The following CALHM4 variants were observed in gnomAD, a reference collection of about 807,000 sequenced individuals.
CALHM4 encodes the protein calcium homeostasis modulator protein 4.
Under a neutral mutation model 13.3 loss-of-function variants are expected in CALHM4, and 16 were observed. That is an observed-to-expected ratio of 1.20 (90% confidence interval 0.81 to 1.82). CALHM4 has a LOEUF of 1.82. Among genes scored for constraint, CALHM4 ranks in the 40% most tolerant of loss-of-function variants. The pLI is 0.00. For missense variants in CALHM4, 344 were observed against 374.9 expected (o/e 0.92, Z 0.68); for synonymous variants, 127 against 137.1 (o/e 0.93, Z 0.52).
At chr6:116,540,355 A>G in intron 1 of CALHM4, 1 of 1,550,154 alleles carries the variant, frequency 6.5e-7, no homozygotes, top group Non-Finnish European at 8.7e-7. Flanking sequence ...AGATAAAAAC[A>G]TAGTTACCTG....
At chr6:116,540,991 A>T (rs1375699507) in intron 1 of CALHM4, among the ~76,000 whole-genome samples, 1 of 152,072 alleles carries the variant, frequency 6.6e-6, no homozygotes, top group Non-Finnish European at 1.5e-5. Flanking sequence ...GCATCTTCAG[A>T]CTCTGAAGTT....
In CALHM4 at chr6:116,557,976, AG is replaced by A; in HGVS notation, c.711del (p.Glu237AspfsTer8). 1 of 1,614,180 alleles carries A rather than the reference AG, an allele frequency of 6.2e-7. No individual in the cohort carries two copies. The highest frequency in any genetic ancestry group is 8.5e-7 in the Non-Finnish European group (1 of 1,180,036). The part of the protein sequence containing the change: ...NERELFEQAA[E>X]QHSRLLMMHR... ...AGAGAACTCTTTGAACAAGCAGCAG[AG>A]CAGCACTCTCGGCTCCTCATGATGC... On this transcript the variant is annotated frameshift_variant, in exon 2 of 2. Coordinates refer to ENST00000368596, the MANE Select transcript of CALHM4 (RefSeq NM_001366078.2). LOFTEE classifies it high-confidence loss of function.
chr6:116,551,216 T>C (rs1276259737), upstream of CALHM4, among the ~76,000 whole-genome samples: 3 of 152,224 alleles, frequency 2.0e-5, no homozygotes, highest in African/African-American at 7.2e-5. Flanking sequence ...CTTTGTGTTG[T>C]CACTCAGTCA....
chr6:116,545,360 T>A (rs1773718007), intron 2 of CALHM4: 1 of 800,450 alleles, frequency 1.2e-6, no homozygotes. Flanking sequence ...CGCTGAACAC[T>A]GTCTTTCCTC....
At chr6:116,557,511 AT>A (rs1350716732) in intron 1 of CALHM4, among the ~76,000 whole-genome samples, 3 of 152,234 alleles carry the variant, frequency 2.0e-5, no homozygotes, top group Non-Finnish European at 4.4e-5. Flanking sequence ...AAAGGTATGT[AT>A]CATATGTAAG....
At chr6:116,538,096 T>G (rs189442476) in intron 1 of CALHM4, among the ~76,000 whole-genome samples, 1 of 152,350 alleles carries the variant, frequency 6.6e-6, no homozygotes, top group African/African-American at 2.4e-5. Context: ...TTACCATTTT[T>G]ATTTTCTACT....
chr6:116,530,370 AACAC>A (rs1192655715), intron 1 of CALHM4, among the ~76,000 whole-genome samples: 3 of 152,342 alleles, frequency 2.0e-5, no homozygotes, highest in East Asian at 3.9e-4. Flanking sequence ...GAAAAAAGAA[AACAC>A]ACAGAATGTC....
intron 1 of CALHM4, among the ~76,000 whole-genome samples, chr6:116,555,607 T>A (rs1317052077): frequency 6.6e-6 from 1 of 152,204 alleles, no homozygotes; most frequent in Non-Finnish European, 1.5e-5. Flanking sequence ...TACAGATAAG[T>A]AAATCAAAGC....
chr6:116,537,673 G>A (rs138213121), intron 1 of CALHM4, among the ~76,000 whole-genome samples: 25 of 152,212 alleles, frequency 1.6e-4, no homozygotes, highest in African/African-American at 5.1e-4. Context: ...GAAGGGACTC[G>A]AGGAGCCCTT....
At chr6:116,540,517 G>A (rs1172817313) in intron 1 of CALHM4, 13 of 1,512,938 alleles carry the variant, frequency 8.6e-6, no homozygotes, top group African/African-American at 1.4e-5. Context: ...AGTGAAGTCT[G>A]TCAGTTTTTA....
chr6:116,557,267 A>G (rs1180224954), intron 1 of CALHM4, among the ~76,000 whole-genome samples: 1 of 152,156 alleles, frequency 6.6e-6, no homozygotes, highest in Non-Finnish European at 1.5e-5. Context: ...ATTTAGAAAC[A>G]TGAGTCTCTT....
At chr6:116,548,867 A>G (rs541462205), upstream of CALHM4, among the ~76,000 whole-genome samples, 3 of 152,356 alleles carry the variant, frequency 2.0e-5, no homozygotes, top group African/African-American at 7.2e-5. Context: ...CACTGACAAT[A>G]AAAAACAGAA....
At chr6:116,555,136 A>G (rs1774254439) in intron 1 of CALHM4, among the ~76,000 whole-genome samples, 1 of 152,216 alleles carries the variant, frequency 6.6e-6, no homozygotes, top group Non-Finnish European at 1.5e-5. Flanking sequence ...CAGAAATGCT[A>G]AAGTTATTTC....
At chr6:116,553,391 G>A (rs1583314978), upstream of CALHM4, among the ~76,000 whole-genome samples, 2 of 152,032 alleles carry the variant, frequency 1.3e-5, no homozygotes, top group Admixed American at 1.3e-4. Context: ...TTATGGTGAC[G>A]AGATTCTAGT....
At chr6:116,529,362 T>C (rs758042532) in intron 1 of CALHM4, among the ~76,000 whole-genome samples, 7 of 151,958 alleles carry the variant, frequency 4.6e-5, no homozygotes, top group Admixed American at 2.0e-4. Flanking sequence ...TGGCGAGATA[T>C]TAAAAAATTT....
chr6:116,534,665 C>T (rs1772960890), intron 1 of CALHM4, among the ~76,000 whole-genome samples: 1 of 152,242 alleles, frequency 6.6e-6, no homozygotes, highest in East Asian at 1.9e-4. Context: ...GATTTACTTC[C>T]CTGCTTTAGG....
intron 1 of CALHM4, among the ~76,000 whole-genome samples, chr6:116,541,120 C>A (rs1773424004): frequency 6.6e-6 from 1 of 151,758 alleles, no homozygotes; most frequent in Non-Finnish European, 1.5e-5. Flanking sequence ...CTAGTAGTGC[C>A]TGAAGTACAA....
intron 1 of CALHM4, among the ~76,000 whole-genome samples, chr6:116,534,739 T>C (rs932899962): frequency 6.6e-6 from 1 of 152,090 alleles, no homozygotes; most frequent in Non-Finnish European, 1.5e-5. Flanking sequence ...TCCCCCAAAA[T>C]CATTGCTCAC....
At chr6:116,544,183 A>AGAGAGAGAGAGAGAGAGAGAGAG (rs1773635107) in intron 2 of CALHM4, among the ~76,000 whole-genome samples, 1 of 83,214 alleles carries the variant, frequency 1.2e-5, no homozygotes, top group African/African-American at 3.4e-5. Context: ...GAGAGAGAGA[A>AGAGAGAGAGAGAGAGAGAGAGAG]TGATGAGATT....
Sources: gnomAD v4.1 joint callset for allele counts (sites outside exome capture counted in the v4.1 genomes callset) on GRCh38, gnomAD v4.1.1 for gene constraint, MANE v1.5 for transcripts, NCBI Gene and HGNC (gene_info 2026-07-23, HGNC 2026-07-21) for gene names.